The following GPHN variants were observed in gnomAD, a reference collection of about 807,000 sequenced individuals.
The protein encoded by GPHN is gephyrin.
GPHN carries 17 observed loss-of-function variants against 95.5 expected under a neutral mutation model. The observed-to-expected ratio is 0.18, with a 90% CI of 0.12 to 0.27. The LOEUF (loss-of-function observed/expected upper bound fraction) is 0.27, where lower values mean the gene tolerates loss of function less well. GPHN is among the 10% of genes least tolerant of loss of function. The pLI is 1.00. For missense variants in GPHN, 660 were observed against 978.1 expected, an observed-to-expected ratio of 0.67 and a Z score of 4.34; for synonymous variants, 320 against 322.5, an observed-to-expected ratio of 0.99 and a Z score of 0.08.
the GPHN span, chr14:67,579,207 G>A: frequency 6.2e-7 from 1 of 1,611,552 alleles, no homozygotes; most frequent in Non-Finnish European, 8.5e-7. Context: ...GGAGCGGGAA[G>A]CCAGGCCATC....
intron 2 of GPHN, among the ~76,000 whole-genome samples, chr14:66,705,780 A>G (rs147409696): frequency 5.2e-4 from 79 of 152,310 alleles, no homozygotes; most frequent in African/African-American, 1.9e-3. Flanking sequence ...CTATCTCACC[A>G]CTTCTATTCA....
the GPHN span, chr14:67,722,692 TG>T: frequency 6.2e-7 from 1 of 1,613,862 alleles, no homozygotes; most frequent in East Asian, 2.2e-5. Context: ...TTCCTGTATA[TG>T]GTAGCTCCAT....
the GPHN span, among the ~76,000 whole-genome samples, chr14:67,446,301 G>T: frequency 6.6e-6 from 1 of 152,186 alleles, no homozygotes; most frequent in African/African-American, 2.4e-5. Flanking sequence ...AACTCAAGAA[G>T]AGTGCCCCCA....
At chr14:66,830,963 ATTAT>A (rs1317922814) in intron 4 of GPHN, among the ~76,000 whole-genome samples, 1 of 152,066 alleles carries the variant, frequency 6.6e-6, no homozygotes, top group Non-Finnish European at 1.5e-5. Context: ...TAAGACAGGT[ATTAT>A]TTTATGTAGT....
chr14:67,455,652 C>T, the GPHN span, among the ~76,000 whole-genome samples: 4 of 152,200 alleles, frequency 2.6e-5, no homozygotes, highest in African/African-American at 9.7e-5. Flanking sequence ...GAAATTTCTG[C>T]TTCCCTTTAA....
intron 21 of GPHN, among the ~76,000 whole-genome samples, chr14:67,176,218 A>G (rs1331655002): frequency 6.6e-6 from 1 of 152,168 alleles, no homozygotes; most frequent in Non-Finnish European, 1.5e-5. Context: ...TGGGTTTGTC[A>G]TAAATAGCTC....
intron 2 of GPHN, among the ~76,000 whole-genome samples, chr14:66,774,143 C>T (rs1397478774): frequency 2.0e-5 from 3 of 151,728 alleles, no homozygotes; most frequent in Admixed American, 6.6e-5. Flanking sequence ...GCTGGGACTG[C>T]AGGCGCCCAC....
chr14:66,687,633 G>C (rs1478857447), intron 2 of GPHN, among the ~76,000 whole-genome samples: 2 of 151,818 alleles, frequency 1.3e-5, no homozygotes, highest in African/African-American at 2.4e-5. Context: ...GGGATTACAG[G>C]CATGTGCCAC....
the GPHN span, among the ~76,000 whole-genome samples, chr14:67,514,609 T>C: frequency 6.6e-6 from 1 of 152,068 alleles, no homozygotes; most frequent in Non-Finnish European, 1.5e-5. Context: ...CAGCCTCTAA[T>C]TCAGGAGGGT....
At chr14:67,236,802 A>T in the GPHN span, among the ~76,000 whole-genome samples, 2 of 151,482 alleles carry the variant, frequency 1.3e-5, no homozygotes, top group Non-Finnish European at 2.9e-5. Context: ...TATTTTAGAT[A>T]TTTGGCCAGA....
At chr14:66,605,766 T>C (rs2062500460) in intron 1 of GPHN, among the ~76,000 whole-genome samples, 2 of 152,032 alleles carry the variant, frequency 1.3e-5, no homozygotes, top group South Asian at 4.2e-4. Flanking sequence ...TCTCCTGACC[T>C]CTTGATCTGC....
At chr14:66,577,085 G>A (rs1033344223) in intron 1 of GPHN, among the ~76,000 whole-genome samples, 7 of 152,128 alleles carry the variant, frequency 4.6e-5, no homozygotes, top group Non-Finnish European at 1.0e-4. Flanking sequence ...TAATTGCCTA[G>A]GAATCTTGTT....
rs974671097 is a variant in GPHN at position 67,132,622 on chromosome 14, TA to T, written c.1748+10246del. 2.0e-5 allele frequency among the ~76,000 whole-genome samples: 3 copies of T among 152,094 alleles called. No homozygotes were observed. In the East Asian group the frequency reaches 5.8e-4, roughly 29 times the overall value. On this transcript the variant is annotated intron_variant, in intron 17 of 22. Transcript: ENST00000478722. ...GAGAGGTTCTTTCCGATCTCAGTGATAGACTTTTTATGTAGCTGTTAGAGTT... is the reference window on the plus strand; with the variant it reads ...GAGAGGTTCTTTCCGATCTCAGTGATGACTTTTTATGTAGCTGTTAGAGTT...
At chr14:67,714,243 C>T in the GPHN span, among the ~76,000 whole-genome samples, 1 of 152,202 alleles carries the variant, frequency 6.6e-6, no homozygotes, top group African/African-American at 2.4e-5. Context: ...TCAAGTTCTC[C>T]TCCTGCCTCA....
intron 9 of GPHN, among the ~76,000 whole-genome samples, chr14:66,982,712 T>C (rs930264617): frequency 6.6e-6 from 1 of 152,224 alleles, no homozygotes; most frequent in Non-Finnish European, 1.5e-5. Context: ...AATCTCAATT[T>C]ACTCCACAAT....
the GPHN span, among the ~76,000 whole-genome samples, chr14:67,561,191 G>A: frequency 3.1e-4 from 47 of 152,240 alleles, no homozygotes; most frequent in Non-Finnish European, 5.6e-4. Flanking sequence ...GCTTACCTGC[G>A]TATTCTCACA....
intron 2 of GPHN, among the ~76,000 whole-genome samples, chr14:66,703,701 C>T (rs1237260727): frequency 7.4e-6 from 1 of 135,204 alleles, no homozygotes; most frequent in Non-Finnish European, 1.5e-5. Context: ...ATGTAAGGAC[C>T]AATGACACTA....
At chr14:66,554,214 T>G (rs927479547) in intron 1 of GPHN, among the ~76,000 whole-genome samples, 3 of 152,258 alleles carry the variant, frequency 2.0e-5, no homozygotes, top group Middle Eastern at 3.4e-3. Flanking sequence ...AGGGCAGAGA[T>G]AGGGATAGAA....
intron 1 of GPHN, among the ~76,000 whole-genome samples, chr14:66,546,922 A>G (rs1328881464): frequency 6.6e-6 from 1 of 152,198 alleles, no homozygotes; most frequent in African/African-American, 2.4e-5. Flanking sequence ...TATGGGCCTC[A>G]AACAATGACT....
Sources: allele counts gnomAD v4.1 joint callset (sites outside exome capture counted in the v4.1 genomes callset), GRCh38; gene constraint gnomAD v4.1.1; transcripts MANE v1.5; gene names NCBI Gene and HGNC (gene_info 2026-07-23, HGNC 2026-07-21).